The following STXBP5 variants were observed in gnomAD, a reference collection of about 807,000 sequenced individuals.
The protein encoded by STXBP5 is syntaxin-binding protein 5.
A neutral mutation model predicts 152.4 loss-of-function variants in STXBP5; 50 were observed. The observed-to-expected ratio is 0.33, with a 90% CI of 0.26 to 0.42. The LOEUF (loss-of-function observed/expected upper bound fraction) is 0.42, where lower values mean the gene tolerates loss of function less well. Ranked by LOEUF, STXBP5 falls within the 10% of genes least tolerant of loss-of-function variation. The probability of loss-of-function intolerance (pLI) is 1.00; values close to 1 mark genes in which losing one functional copy is unlikely to be tolerated. For synonymous variants in STXBP5, 492 were observed against 494.7 expected, an observed-to-expected ratio of 0.99 and a Z score of 0.07; for missense variants, 1,167 against 1,388.6, an observed-to-expected ratio of 0.84 and a Z score of 2.54.
intron 9 of STXBP5, among the ~76,000 whole-genome samples, chr6:147,300,615 C>A (rs117942101): frequency 0.035 from 5,379 of 152,024 alleles, 146 homozygotes; most frequent in Admixed American, 0.054. Context: ...ATGGATAAGA[C>A]TAAAGCCACA....
chr6:147,290,554 TA>T (rs1781228854), intron 8 of STXBP5, among the ~76,000 whole-genome samples: 1 of 152,202 alleles, frequency 6.6e-6, no homozygotes, highest in Admixed American at 6.5e-5. Flanking sequence ...TTTTAAAAAA[TA>T]ATTAGAATTC....
intron 25 of STXBP5, among the ~76,000 whole-genome samples, chr6:147,369,146 T>C (rs1018242092): frequency 6.6e-6 from 1 of 151,944 alleles, no homozygotes; most frequent in Non-Finnish European, 1.5e-5. Context: ...TGGATCAGAA[T>C]AGAATATCCA....
At position 147,246,373 on chromosome 6, in the gene STXBP5, T is replaced by G. The variant is rs191019544; in HGVS notation, c.431+7103T>G. ...TGTGAAGCTTTTTAAGACTGAAAAC[T>G]GAATTATATGTGGACTTTTTTAGGA... On this transcript the variant is annotated intron_variant, in intron 4 of 27. Transcript: ENST00000321680. 2.0e-5 allele frequency among the ~76,000 whole-genome samples: 3 copies of G among 152,322 alleles called. No individual in the cohort carries two copies. The East Asian group carries it at 5.8e-4, about 29-fold the overall frequency.
At chr6:147,318,550 G>A (rs9322097) in intron 16 of STXBP5, among the ~76,000 whole-genome samples, 2,533 of 152,198 alleles carry the variant, frequency 0.017, 58 homozygotes, top group African/African-American at 0.057. Flanking sequence ...TCTTGTTTGG[G>A]AGGACTTTTC....
intron 3 of STXBP5, among the ~76,000 whole-genome samples, chr6:147,237,357 C>T (rs960589401): frequency 4.0e-5 from 6 of 151,834 alleles, no homozygotes; most frequent in Non-Finnish European, 7.4e-5. Context: ...CAATTAGGTG[C>T]ACCTATTTGC....
intron 25 of STXBP5, among the ~76,000 whole-genome samples, chr6:147,373,491 C>G (rs1257748133): frequency 6.6e-6 from 1 of 150,456 alleles, no homozygotes; most frequent in Non-Finnish European, 1.5e-5. Context: ...AGCAAAAATA[C>G]TGTTTGCCTA....
chr6:147,346,024 C>T (rs907893151), intron 21 of STXBP5, among the ~76,000 whole-genome samples: 1 of 152,120 alleles, frequency 6.6e-6, no homozygotes, highest in Admixed American at 6.5e-5. Flanking sequence ...CTGAAGAAAC[C>T]TTCTGTCAGA....
chr6:147,278,047 G>T (rs971271230), intron 7 of STXBP5, 34 bp from the exon 8 acceptor site: 26 of 1,567,736 alleles, frequency 1.7e-5, no homozygotes, highest in Non-Finnish European at 2.2e-5. Flanking sequence ...TGTTTAAATA[G>T]ATTTTTTAAA....
intron 4 of STXBP5, among the ~76,000 whole-genome samples, chr6:147,240,993 T>C (rs1778512888): frequency 1.3e-5 from 2 of 152,168 alleles, no homozygotes; most frequent in Non-Finnish European, 2.9e-5. Flanking sequence ...TTGAAGTTTG[T>C]AGTTGTAGTC....
chr6:147,213,477 T>TGTGCGCGCGCGCGC, intron 2 of STXBP5, among the ~76,000 whole-genome samples: 136 of 131,320 alleles, frequency 1.0e-3, no homozygotes, highest in African/African-American at 3.9e-3. Context: ...TGTGTGTGTG[T>TGTGCGCGCGCGCGC]GCGCGCGCAT....
chr6:147,330,640 A>G (rs1179466183), intron 18 of STXBP5, among the ~76,000 whole-genome samples: 1 of 152,222 alleles, frequency 6.6e-6, no homozygotes, highest in Non-Finnish European at 1.5e-5. Context: ...ACTAAAAGTA[A>G]GTTGTAGTAA....
intron 2 of STXBP5, among the ~76,000 whole-genome samples, chr6:147,222,560 A>G (rs1582804583): frequency 1.3e-5 from 2 of 152,042 alleles, no homozygotes; most frequent in Admixed American, 1.3e-4. Context: ...CTCTTCCTTT[A>G]CTTGGAAGGC....
intron 25 of STXBP5, among the ~76,000 whole-genome samples, chr6:147,372,406 C>CTTTTTTTTTTTTTTT (rs1583009383): frequency 0.02 from 780 of 39,108 alleles, 384 homozygotes; most frequent in Middle Eastern, 0.054. Flanking sequence ...CCGTCCTTTT[C>CTTTTTTTTTTTTTTT]CTTTTTTTTT....
chr6:147,292,773 AGGGAAGATTTTTTC>A (rs1781343578), intron 9 of STXBP5: 1 of 152,334 alleles, frequency 6.6e-6, no homozygotes, highest in Admixed American at 6.5e-5. Context: ...GCAGCAGTTC[AGGGAAGATTTTTTC>A]CTCTGTGCTT....
rs768345723 is a variant in STXBP5, at chr6:147,206,103, C to G, written c.248+35C>G. On this transcript the variant is annotated intron_variant, in intron 2 of 27. Transcript: ENST00000321680. ...CTTTAATTTTATTTTTTAACTTCTA[C>G]TTTGTTCTCCCCAGTCCTTCTGTGT... 9 of 1,568,680 alleles carry G rather than the reference C, an allele frequency of 5.7e-6. No homozygotes were observed. The East Asian group carries it at 2.0e-4, about 35-fold the overall frequency.
chr6:147,317,890 C>A (rs547853738), intron 16 of STXBP5, among the ~76,000 whole-genome samples: 22 of 152,124 alleles, frequency 1.4e-4, no homozygotes, highest in African/African-American at 4.8e-4. Flanking sequence ...TTTTCCCAAG[C>A]CCTTTGTTAC....
At chr6:147,260,379 C>G (rs1250814855) in intron 4 of STXBP5, among the ~76,000 whole-genome samples, 1 of 152,114 alleles carries the variant, frequency 6.6e-6, no homozygotes, top group Non-Finnish European at 1.5e-5. Flanking sequence ...GAAACACATT[C>G]TAACTTCAAA....
At chr6:147,310,681 A>T (rs1288638869) in intron 10 of STXBP5, among the ~76,000 whole-genome samples, 1 of 152,270 alleles carries the variant, frequency 6.6e-6, no homozygotes, top group Admixed American at 6.5e-5. Context: ...TCTGAAATCT[A>T]TAGATTGAAA....
At chr6:147,308,491 C>T (rs1358561964) in intron 9 of STXBP5, among the ~76,000 whole-genome samples, 1 of 152,176 alleles carries the variant, frequency 6.6e-6, no homozygotes, top group African/African-American at 2.4e-5. Flanking sequence ...TTACTACCCA[C>T]TATATGGCAG....
Sources: allele counts gnomAD v4.1 joint callset (sites outside exome capture counted in the v4.1 genomes callset), GRCh38; gene constraint gnomAD v4.1.1; transcripts MANE v1.5; gene names NCBI Gene and HGNC (gene_info 2026-07-23, HGNC 2026-07-21).